The following CAB39L variants were observed in gnomAD, a reference collection of about 807,000 sequenced individuals.
The protein encoded by CAB39L is calcium-binding protein 39-like.
A neutral mutation model predicts 39.1 loss-of-function variants in CAB39L; 23 were observed. The observed-to-expected ratio is 0.59, with a 90% CI of 0.42 to 0.83. The LOEUF is 0.83. Among genes scored for constraint, CAB39L ranks in the 40% least tolerant of loss-of-function variants. CAB39L has a pLI of 0.00. For synonymous variants in CAB39L, 126 were observed against 137.2 expected (o/e 0.92, Z 0.57); for missense variants, 366 against 391.9 (o/e 0.93, Z 0.56).
chr13:49,435,683 T>C (rs1957399568), intron 1 of CAB39L, among the ~76,000 whole-genome samples: 1 of 152,186 alleles, frequency 6.6e-6, no homozygotes, highest in African/African-American at 2.4e-5. Context: ...GTATATTTAG[T>C]AGAGGTGGGG....
chr13:49,359,473 G>A (rs866447132), intron 6 of CAB39L, among the ~76,000 whole-genome samples: 4 of 152,268 alleles, frequency 2.6e-5, no homozygotes, highest in Middle Eastern at 3.4e-3. Flanking sequence ...AGAAATAGCA[G>A]AAATGTGGAG....
intron 3 of CAB39L, among the ~76,000 whole-genome samples, chr13:49,405,196 TA>T (rs1408196569): frequency 6.6e-6 from 1 of 151,380 alleles, no homozygotes; most frequent in African/African-American, 2.4e-5. Flanking sequence ...AAGAAAAGAA[TA>T]ACATATAAAG....
chr13:49,329,539 AAAAAAATATATATATATATATATATAT>A (rs1954609640), intron 10 of CAB39L, among the ~76,000 whole-genome samples: 1 of 36,244 alleles, frequency 2.8e-5, no homozygotes, highest in African/African-American at 1.6e-4. Flanking sequence ...TCAATTAAAA[AAAAAAATATATATATATATATATATAT>A]ATATATATAT....
chr13:49,437,291 C>T (rs77675988), intron 1 of CAB39L, among the ~76,000 whole-genome samples: 558 of 152,118 alleles, frequency 3.7e-3, no homozygotes, highest in African/African-American at 0.013. Context: ...TTAATGACTC[C>T]TTTTTGGGTG....
At chr13:49,336,592 G>T (rs1954854210) in intron 9 of CAB39L, among the ~76,000 whole-genome samples, 1 of 152,132 alleles carries the variant, frequency 6.6e-6, no homozygotes, top group African/African-American at 2.4e-5. Flanking sequence ...TCTCGATTTT[G>T]ATCCAGTATC....
intron 1 of CAB39L, 44 bp from the exon 2 acceptor site, chr13:49,434,267 C>A: frequency 4.7e-6 from 2 of 422,690 alleles, no homozygotes; most frequent in Middle Eastern, 3.5e-4. Flanking sequence ...GGAGTCACAT[C>A]AATCTGGTTT....
chr13:49,309,829 A>T lies in CAB39L; in HGVS notation c.*985T>A, dbSNP rs547581295. The T allele has an allele frequency of 1.3e-5, 2 of 152,224 alleles. No homozygotes were observed. Among genetic ancestry groups the T allele is most frequent in the African/African-American group, 4.8e-5 (2 of 41,520 alleles). 9.4% of individuals were successfully genotyped at this position (152,224 alleles called of 1,614,324 possible). ...GGCTCTGAAAAAAATTTATTGATGG[A>T]TCTGAGAATTTTTTCACACATGAAT... is the stretch of plus-strand genomic sequence containing the variant. On this transcript the variant is annotated 3_prime_UTR_variant, in exon 11 of 11. Transcript: ENST00000409308.
intron 3 of CAB39L, among the ~76,000 whole-genome samples, chr13:49,421,454 A>G (rs1227600141): frequency 2.0e-5 from 3 of 152,254 alleles, no homozygotes; most frequent in African/African-American, 7.2e-5. Context: ...CCCCTTGAGC[A>G]TGATCTAATA....
At chr13:49,352,072 G>A (rs1365524717) in intron 6 of CAB39L, among the ~76,000 whole-genome samples, 2 of 152,072 alleles carry the variant, frequency 1.3e-5, no homozygotes, top group African/African-American at 4.8e-5. Context: ...ATAAATATAT[G>A]ATTTGCATGC....
At chr13:49,429,549 G>GA (rs1176777385) in intron 3 of CAB39L, among the ~76,000 whole-genome samples, 3 of 151,748 alleles carry the variant, frequency 2.0e-5, no homozygotes, top group Non-Finnish European at 2.9e-5. Flanking sequence ...ATTTTATTAG[G>GA]AAAAAATACC....
Position 49,379,059 on chromosome 13 carries a change from G to A in CAB39L, c.112-1928C>T, listed in dbSNP as rs1368019463. Among the ~76,000 whole-genome samples the A allele has an allele frequency of 3.5e-5, 2 of 56,548 alleles. 1 individual carries two copies. The highest frequency in any genetic ancestry group is 6.9e-5 in the Non-Finnish European group (2 of 28,788). The allele number at this position is 56,548 out of a possible 152,430, so 37.1% of individuals were successfully genotyped here. ...CCCCGCCCGGCCAGCTGCCCCGTCC[G>A]AGAGGGAGGTGGGGGGGGTCAGCCC... On this transcript the variant is annotated intron_variant, in intron 4 of 10. Coordinates refer to ENST00000409308, the MANE Select transcript of CAB39L (RefSeq NM_001079670.3).
At chr13:49,426,850 T>C (rs1957253059) in intron 3 of CAB39L, among the ~76,000 whole-genome samples, 1 of 152,220 alleles carries the variant, frequency 6.6e-6, no homozygotes, top group Non-Finnish European at 1.5e-5. Flanking sequence ...TGTTTCTCTC[T>C]TGTTCATCTG....
chr13:49,372,753 C>G (rs2138550203), intron 5 of CAB39L, among the ~76,000 whole-genome samples: 1 of 152,280 alleles, frequency 6.6e-6, no homozygotes, highest in South Asian at 2.1e-4. Context: ...TCACTGCAAG[C>G]TCCGCCTCCT....
intron 8 of CAB39L, among the ~76,000 whole-genome samples, chr13:49,341,856 T>C (rs937528174): frequency 6.6e-6 from 1 of 152,184 alleles, no homozygotes; most frequent in East Asian, 1.9e-4. Context: ...TAAACATGTA[T>C]AATTATTTTG....
chr13:49,422,024 T>C (rs769702547), intron 3 of CAB39L, among the ~76,000 whole-genome samples: 4 of 152,046 alleles, frequency 2.6e-5, no homozygotes, highest in Admixed American at 6.6e-5. Flanking sequence ...GGATAACTTA[T>C]ACCAAGAACC....
intron 10 of CAB39L, among the ~76,000 whole-genome samples, chr13:49,323,244 C>T (rs1234777894): frequency 6.6e-6 from 1 of 152,224 alleles, no homozygotes; most frequent in Non-Finnish European, 1.5e-5. Context: ...TGAAATCTGA[C>T]TCGAGTTGAA....
intron 2 of CAB39L, 22 bp downstream of exon 2, chr13:49,434,064 T>C: frequency 4.6e-6 from 2 of 434,774 alleles, no homozygotes; most frequent in South Asian, 1.7e-5. Context: ...TGTTTCCCCA[T>C]CAGAAATAAG....
chr13:49,345,777 T>C (rs1955134377), intron 7 of CAB39L, among the ~76,000 whole-genome samples: 1 of 152,006 alleles, frequency 6.6e-6, no homozygotes, highest in Non-Finnish European at 1.5e-5. Context: ...CCATGGGAGT[T>C]CTCTACCTGC....
intron 7 of CAB39L, among the ~76,000 whole-genome samples, chr13:49,345,285 T>C (rs1351395814): frequency 1.3e-5 from 2 of 152,362 alleles, no homozygotes; most frequent in East Asian, 1.9e-4. Context: ...ACCCACTTAT[T>C]TCTACTTTAA....
Sources: gnomAD v4.1 joint callset for allele counts (sites outside exome capture counted in the v4.1 genomes callset) on GRCh38, gnomAD v4.1.1 for gene constraint, MANE v1.5 for transcripts, NCBI Gene and HGNC (gene_info 2026-07-23, HGNC 2026-07-21) for gene names.